Variants in KCNB2 observed in about 807,000 individuals in gnomAD.
KCNB2 encodes delayed rectifier potassium channel protein.
Under a neutral mutation model 61.5 loss-of-function variants are expected in KCNB2, and 15 were observed. The ratio of observed to expected loss-of-function variants is 0.24; its 90% CI spans 0.16 to 0.38. The LOEUF (loss-of-function observed/expected upper bound fraction) is 0.38, where lower values mean the gene tolerates loss of function less well. Among genes scored for constraint, KCNB2 ranks in the 10% least tolerant of loss-of-function variants. The pLI, the probability that KCNB2 is intolerant of heterozygous loss-of-function variation, is 1.00. For missense variants in KCNB2, 828 were observed against 1,125.2 expected (o/e 0.74, Z 3.78); for synonymous variants, 457 against 446.0 (o/e 1.02, Z -0.31).
chr8:72,778,733 C>CAAAAAAAAAAAA lies in KCNB2; in HGVS notation c.580-157183_580-157172dup, dbSNP rs753797385. ...ATTCCAGCCTGGGCCACAGAGCGAG[C>CAAAAAAAAAAAA]AAAAAAAAAAAAAAAAAAAAAAAAA... On this transcript the variant is annotated intron_variant, in intron 2 of 2. Transcript: ENST00000523207. Among the ~76,000 whole-genome samples, 93 of 14,164 alleles carry CAAAAAAAAAAAA rather than the reference C, an allele frequency of 6.6e-3. 6 individuals carry two copies. Among genetic ancestry groups the CAAAAAAAAAAAA allele is most frequent in the Admixed American group, 7.1e-3 (4 of 566 alleles). 9.3% of individuals were successfully genotyped at this position (14,164 alleles called of 152,430 possible).
At chr8:72,930,142 T>C (rs920474679) in intron 2 of KCNB2, among the ~76,000 whole-genome samples, 1 of 152,120 alleles carries the variant, frequency 6.6e-6, no homozygotes, top group Non-Finnish European at 1.5e-5. Context: ...TCATTTTTTA[T>C]GGCTGCATAG....
intron 2 of KCNB2, among the ~76,000 whole-genome samples, chr8:72,903,728 C>T (rs943329254): frequency 6.6e-6 from 1 of 152,102 alleles, no homozygotes; most frequent in South Asian, 2.1e-4. Flanking sequence ...TGTTCTTTCC[C>T]ATGAAAGATG....
chr8:72,736,045 A>G (rs551574131), intron 2 of KCNB2, among the ~76,000 whole-genome samples: 6 of 152,266 alleles, frequency 3.9e-5, no homozygotes, highest in African/African-American at 1.2e-4. Flanking sequence ...CAAAATTCCA[A>G]CAACACTGAA....
intron 2 of KCNB2, among the ~76,000 whole-genome samples, chr8:72,609,808 A>T (rs1805509083): frequency 6.6e-6 from 1 of 152,180 alleles, no homozygotes; most frequent in African/African-American, 2.4e-5. Context: ...ATTTTTCATT[A>T]AAGTCCCCAG....
chr8:72,804,277 C>T (rs1809180212), intron 2 of KCNB2, among the ~76,000 whole-genome samples: 1 of 152,154 alleles, frequency 6.6e-6, no homozygotes, highest in African/African-American at 2.4e-5. Context: ...AGTATACCTG[C>T]CTTCCTCCCG....
chr8:72,874,696 C>T (rs190704990), intron 2 of KCNB2, among the ~76,000 whole-genome samples: 46 of 152,354 alleles, frequency 3.0e-4, no homozygotes, highest in African/African-American at 1.1e-3. Flanking sequence ...ACATCTGTTG[C>T]AGTCCTACAA....
intron 2 of KCNB2, among the ~76,000 whole-genome samples, chr8:72,603,911 C>A (rs932564208): frequency 6.6e-6 from 1 of 152,052 alleles, no homozygotes; most frequent in African/African-American, 2.4e-5. Flanking sequence ...CCGAGGAATG[C>A]CAAGTATTGT....
intron 2 of KCNB2, among the ~76,000 whole-genome samples, chr8:72,740,123 G>A (rs1456272722): frequency 6.6e-6 from 1 of 152,098 alleles, no homozygotes; most frequent in Non-Finnish European, 1.5e-5. Flanking sequence ...TTCTAAATTT[G>A]CTTGATATTG....
Position 72,637,315 on chromosome 8 carries a change from G to A in KCNB2, c.579+69002G>A, listed in dbSNP as rs117438488. On this transcript the variant is annotated intron_variant, in intron 2 of 2. Transcript: ENST00000523207. ...TACAGTGGCCTGGTCAGGAAAATTCGTCTGTTTTTGCTTAGCAAGTTGCAC... is the reference window on the plus strand; with the variant it reads ...TACAGTGGCCTGGTCAGGAAAATTCATCTGTTTTTGCTTAGCAAGTTGCAC... 1.1e-3 allele frequency among the ~76,000 whole-genome samples: 160 copies of A among 152,150 alleles called. 1 individual carries two copies. The highest frequency in any genetic ancestry group is 1.8e-3 in the Non-Finnish European group (125 of 67,988).
intron 2 of KCNB2, among the ~76,000 whole-genome samples, chr8:72,659,944 A>C (rs1308383328): frequency 6.6e-6 from 1 of 152,192 alleles, no homozygotes; most frequent in African/African-American, 2.4e-5. Context: ...TATCGTGGTG[A>C]TCTGCAACTT....
chr8:72,902,268 T>C (rs1345779123), intron 2 of KCNB2, among the ~76,000 whole-genome samples: 2 of 151,998 alleles, frequency 1.3e-5, no homozygotes, highest in Admixed American at 6.6e-5. Flanking sequence ...AGGGCCTAAA[T>C]AGAAAGGACT....
In KCNB2 at chr8:72,873,901, C is replaced by T. The variant is rs1805659336; in HGVS notation, c.580-62034C>T. ...TTACCTTTAGGTGAACAGAGCTCCTCCTATGGACTTCAACTTCTCCCTTGT... is the reference window on the plus strand; with the variant it reads ...TTACCTTTAGGTGAACAGAGCTCCTTCTATGGACTTCAACTTCTCCCTTGT... On this transcript the variant is annotated intron_variant, in intron 2 of 2. Transcript: ENST00000523207. Among the ~76,000 whole-genome samples, 3 of 152,266 alleles carry T rather than the reference C, an allele frequency of 2.0e-5. No homozygotes were observed. The South Asian group carries it at 6.2e-4, about 31-fold the overall frequency.
intron 2 of KCNB2, among the ~76,000 whole-genome samples, chr8:72,842,271 C>T (rs1343875861): frequency 6.6e-6 from 1 of 152,098 alleles, no homozygotes; most frequent in African/African-American, 2.4e-5. Context: ...GGCTTGCATC[C>T]CTGGGATGAA....
intron 2 of KCNB2, among the ~76,000 whole-genome samples, chr8:72,686,345 CT>C: frequency 6.6e-6 from 1 of 151,952 alleles, no homozygotes. Context: ...TATGATCATC[CT>C]TTTTTGGATA....
chr8:72,728,040 A>T (rs571515662), intron 2 of KCNB2, among the ~76,000 whole-genome samples: 16 of 152,350 alleles, frequency 1.1e-4, no homozygotes, highest in Admixed American at 3.9e-4. Flanking sequence ...AACAGCATGC[A>T]GTCTCCTTGT....
At chr8:72,642,996 A>G (rs1028957998) in intron 2 of KCNB2, among the ~76,000 whole-genome samples, 23 of 152,258 alleles carry the variant, frequency 1.5e-4, no homozygotes, top group Non-Finnish European at 3.1e-4. Flanking sequence ...TGAGCCTGCC[A>G]AGTAAAGGAA....
At chr8:72,818,951 G>A (rs1809448075) in intron 2 of KCNB2, among the ~76,000 whole-genome samples, 1 of 152,138 alleles carries the variant, frequency 6.6e-6, no homozygotes, top group African/African-American at 2.4e-5. Flanking sequence ...CTTACCAGTT[G>A]TGTAAAACCA....
chr8:72,745,558 T>G (rs1441175720), intron 2 of KCNB2, among the ~76,000 whole-genome samples: 1 of 152,162 alleles, frequency 6.6e-6, no homozygotes, highest in East Asian at 1.9e-4. Flanking sequence ...TCTAGGGTGA[T>G]TTCAACCATG....
chr8:72,898,444 A>T (rs1563417161), intron 2 of KCNB2, among the ~76,000 whole-genome samples: 1 of 141,106 alleles, frequency 7.1e-6, no homozygotes, highest in South Asian at 2.1e-4. Flanking sequence ...AATATAATTT[A>T]AAAAAAGAAA....
Sources: allele counts gnomAD v4.1 joint callset (sites outside exome capture counted in the v4.1 genomes callset), GRCh38; gene constraint gnomAD v4.1.1; transcripts MANE v1.5; gene names NCBI Gene and HGNC (gene_info 2026-07-23, HGNC 2026-07-21).